OVGP1: variants seen among roughly 807,000 people sequenced by gnomAD.
OVGP1 encodes the protein oviductal glycoprotein 1.
In OVGP1, 26 loss-of-function variants were observed where a neutral mutation model predicts 48.2. The observed-to-expected ratio is 0.54, with a 90% CI of 0.40 to 0.75. The LOEUF is 0.75. Among genes scored for constraint, OVGP1 ranks in the 30% least tolerant of loss-of-function variants. The pLI is 0.00. For synonymous variants in OVGP1, 294 were observed against 305.7 expected (o/e 0.96, Z 0.40); for missense variants, 791 against 820.6 (o/e 0.96, Z 0.44).
At chr1:111,421,509 G>C (rs751348269) in intron 7 of OVGP1, 48 bp from the exon 8 acceptor site, 1 of 1,609,034 alleles carries the variant, frequency 6.2e-7, no homozygotes, top group Non-Finnish European at 8.5e-7. Context: ...AAGAGCCAAT[G>C]GCCTGAGCTC....
intron 3 of OVGP1, among the ~76,000 whole-genome samples, chr1:111,425,772 A>T (rs1358765273): frequency 1.3e-5 from 2 of 152,248 alleles, no homozygotes; most frequent in Admixed American, 1.3e-4. Context: ...ATATTTATTG[A>T]GCAATGTCTA....
intron 4 of OVGP1, among the ~76,000 whole-genome samples, 165 bp from the exon 5 acceptor site, chr1:111,423,873 G>A (rs1011442589): frequency 1.3e-5 from 2 of 152,202 alleles, no homozygotes; most frequent in African/African-American, 4.8e-5. Context: ...GCCTCTCCCA[G>A]CACCAGGAGC....
In OVGP1 at chr1:111,421,640, G is replaced by A. The variant is rs2275794; in HGVS notation, c.642C>T (p.Asp214=). ...TGAACCTTTCCCAACTTCCATGTAA[G>A]TCATAAGACAAGACATTGATGAAAT... ...LLDFINVLSY[D]LHGSWERFTG... Residue 214 remains aspartate (D), a synonymous_variant, in exon 7 of 11, where the codon GAC becomes GAT. Coordinates refer to ENST00000369732, the MANE Select transcript of OVGP1 (RefSeq NM_002557.4). 91,327 of 1,610,110 alleles carry A rather than the reference G, an allele frequency of 0.057. 3,733 individuals are homozygous for A. Among genetic ancestry groups the A allele is most frequent in the East Asian group, 0.19 (8,560 of 44,820 alleles).
rs544873328 is a variant in OVGP1, at chr1:111,424,168, G to A, written c.318-460C>T. On this transcript the variant is annotated intron_variant, in intron 4 of 10. Coordinates refer to ENST00000369732, the MANE Select transcript of OVGP1 (RefSeq NM_002557.4). ...GATTAGGGGAGAGAACATGAGTCAA[G>A]GGCCAGCATGTCCAGAAACATCTAT... Among the ~76,000 whole-genome samples the A allele has an allele frequency of 2.6e-5, 4 of 152,362 alleles. No individual in the cohort carries two copies. In the South Asian group the frequency reaches 8.3e-4, roughly 32 times the overall value.
chr1:111,424,251 G>A (rs753446935), intron 4 of OVGP1, among the ~76,000 whole-genome samples: 5 of 152,168 alleles, frequency 3.3e-5, no homozygotes, highest in African/African-American at 9.7e-5. Context: ...TTCTGATAAC[G>A]GGATCCTGAT....
At chr1:111,423,465 T>A in intron 5 of OVGP1, 78 bp downstream of exon 5, 3 of 1,481,484 alleles carry the variant, frequency 2.0e-6, no homozygotes, top group Non-Finnish European at 2.8e-6. Context: ...CCTGGACTTA[T>A]GCTCTTCTCC....
chr1:111,416,487 TGTACTTGTCA>T, intron 9 of OVGP1, 29 bp from the exon 10 acceptor site: 1 of 1,584,952 alleles, frequency 6.3e-7, no homozygotes, highest in Non-Finnish European at 8.6e-7. Flanking sequence ...GTCAACCTGC[TGTACTTGTCA>T]GTCTCTAGAC....
intron 9 of OVGP1, 37 bp from the exon 10 acceptor site, chr1:111,416,495 T>C: frequency 6.3e-7 from 1 of 1,578,848 alleles, no homozygotes; most frequent in Non-Finnish European, 8.6e-7. Flanking sequence ...GCTGTACTTG[T>C]CAGTCTCTAG....
Position 111,421,778 on chromosome 1 carries a change from G to A in OVGP1, c.609-105C>T, listed in dbSNP as rs149037285. 2.1e-3 allele frequency: 1,480 copies of A among 714,942 alleles called. 12 individuals carry two copies. The highest frequency in any genetic ancestry group is 0.012 in the Admixed American group (511 of 44,382). 44.3% of individuals were successfully genotyped at this position (714,942 alleles called of 1,614,324 possible). A position where few individuals can be genotyped will look rare whatever the true frequency, so the allele number is the denominator to read the frequency against. On this transcript the variant is annotated intron_variant, in intron 6 of 10. Coordinates refer to ENST00000369732, the MANE Select transcript of OVGP1 (RefSeq NM_002557.4). ...AACTAGCTAGACATTGGTCACCAGAGCTTCCCTGCTCCTTCTGCCTGTGGG... is the reference window on the plus strand; with the variant it reads ...AACTAGCTAGACATTGGTCACCAGAACTTCCCTGCTCCTTCTGCCTGTGGG...
chr1:111,422,880 C>T, intron 6 of OVGP1, 47 bp downstream of exon 6: 1 of 1,609,894 alleles, frequency 6.2e-7, no homozygotes, highest in East Asian at 2.2e-5. Context: ...GCTCAAGACA[C>T]CTGCTTCCCA....
At position 111,426,106 on chromosome 1, in the gene OVGP1, C is replaced by T. The variant is rs75869104; in HGVS notation, c.260+331G>A. 8.3e-3 allele frequency among the ~76,000 whole-genome samples: 1,269 copies of T among 152,272 alleles called. 5 individuals are homozygous for T. Among genetic ancestry groups the T allele is most frequent in the Middle Eastern group, 0.014 (4 of 294 alleles). Reference sequence around the variant, plus strand: ...AATAAAAACATGAGCATTTGTTGAGCATTTGGGATGTGTAAGCCCACTTTA... The same window carrying T: ...AATAAAAACATGAGCATTTGTTGAGTATTTGGGATGTGTAAGCCCACTTTA... On this transcript the variant is annotated intron_variant, in intron 3 of 10. Coordinates refer to ENST00000369732, the MANE Select transcript of OVGP1 (RefSeq NM_002557.4).
rs1450186127 is a variant in OVGP1 at position 111,423,062 on chromosome 1, A to G, written c.484-11T>C. ...GGCAAACAGGAGCTCCTAAGAGGAA[A>G]GACAGAAAGACACAGAGAACTGGAC... is the stretch of plus-strand genomic sequence containing the variant. On this transcript the variant is annotated splice_polypyrimidine_tract_variant and intron_variant, in intron 5 of 10. Transcript: ENST00000369732. 7 of 1,613,726 alleles carry G rather than the reference A, an allele frequency of 4.3e-6. No individual in the cohort carries two copies. The highest frequency in any genetic ancestry group is 1.1e-5 in the South Asian group (1 of 91,078).
Position 111,421,614 on chromosome 1 carries a change from G to A in OVGP1, c.668C>T (p.Thr223Ile), listed in dbSNP as rs201948682. 7.9e-5 allele frequency: 128 copies of A among 1,613,284 alleles called. No homozygotes were observed. The highest frequency in any genetic ancestry group is 9.9e-5 in the Non-Finnish European group (117 of 1,179,312). The change falls in exon 7 of 11, where the codon ACA becomes ATA. Residue 223 changes from threonine to isoleucine, a missense_variant. By Grantham distance (89) the Thr-to-Ile change is moderately conservative. Coordinates refer to ENST00000369732, the MANE Select transcript of OVGP1 (RefSeq NM_002557.4). The stretch of plus-strand genomic sequence containing the variant: ...AGAGAAGAGGGGGCTATTATGTCCT[G>A]TGAACCTTTCCCAACTTCCATGTAA... The part of the protein sequence containing the change: ...YDLHGSWERF[T>I]GHNSPLFSLP...
chr1:111,427,574 T>A, intron 1 of OVGP1, 123 bp downstream of exon 1: 1 of 1,246,618 alleles, frequency 8.0e-7, no homozygotes. Context: ...GCCCATCCCA[T>A]CTCTACCTAA....
intron 4 of OVGP1, 43 bp downstream of exon 4, chr1:111,425,340 G>A: frequency 6.2e-7 from 1 of 1,611,644 alleles, no homozygotes; most frequent in Non-Finnish European, 8.5e-7. Flanking sequence ...TAACCAGCCT[G>A]CTCCACCCTC....
intron 6 of OVGP1, among the ~76,000 whole-genome samples, chr1:111,422,289 C>T (rs1164834604): frequency 2.0e-5 from 3 of 151,772 alleles, no homozygotes; most frequent in Admixed American, 2.0e-4. Context: ...GTGTCTCTCA[C>T]CCTCCTCCCA....
chr1:111,414,579 C>T lies in OVGP1; in HGVS notation c.1922G>A (p.Arg641His), dbSNP rs143921927. ...ATGGTTTCCATAGATGGGAACAAAG[C>T]GGTTGTCAAAAGCTAGAGGAGTTTG... ...PEQTPLAFDN[R>H]FVPIYGNHSS... The change falls in exon 11 of 11, where the codon CGC becomes CAC. Residue 641 changes from arginine (R) to histidine (H), a missense_variant. Coordinates refer to ENST00000369732, the MANE Select transcript of OVGP1 (RefSeq NM_002557.4). The T allele has an allele frequency of 4.5e-4, 725 of 1,614,068 alleles. 1 individual carries two copies. Among genetic ancestry groups the T allele is most frequent in the Middle Eastern group, 6.6e-4 (4 of 6,060 alleles).
In OVGP1 at chr1:111,421,629, C is replaced by T. The variant is rs1441959733; in HGVS notation, c.653G>A (p.Ser218Asn). 1.2e-6 allele frequency: 2 copies of T among 1,613,194 alleles called. No homozygotes were observed. Among genetic ancestry groups the T allele is most frequent in the Non-Finnish European group, 1.7e-6 (2 of 1,179,094 alleles). The change falls in exon 7 of 11, where the codon AGT becomes AAT. Residue 218 changes from serine (S) to asparagine (N), a missense_variant. Physicochemically the swap from Ser to Asn is conservative, Grantham distance 46 (BLOSUM62 1). Coordinates refer to ENST00000369732, the MANE Select transcript of OVGP1 (RefSeq NM_002557.4). Reference sequence around the variant, plus strand: ...ATTATGTCCTGTGAACCTTTCCCAACTTCCATGTAAGTCATAAGACAAGAC... The same window carrying T: ...ATTATGTCCTGTGAACCTTTCCCAATTTCCATGTAAGTCATAAGACAAGAC... ...INVLSYDLHG[S>N]WERFTGHNSP...
chr1:111,423,085 G>A (rs1557784216), intron 5 of OVGP1, 34 bp from the exon 6 acceptor site: 1 of 1,612,728 alleles, frequency 6.2e-7, no homozygotes, highest in East Asian at 2.2e-5. Flanking sequence ...CAGAGAACTG[G>A]ACAAACAGAG....
Sources: gnomAD v4.1 joint callset for allele counts (sites outside exome capture counted in the v4.1 genomes callset) on GRCh38, gnomAD v4.1.1 for gene constraint, MANE v1.5 for transcripts, NCBI Gene and HGNC (gene_info 2026-07-23, HGNC 2026-07-21) for gene names.